The following ZHX3 variants were observed in gnomAD, a reference collection of about 807,000 sequenced individuals.
ZHX3 encodes the protein zinc fingers and homeoboxes 3, also known as zinc fingers and homeoboxes protein 3.
Under a neutral mutation model 64.5 loss-of-function variants are expected in ZHX3, and 20 were observed. That is an observed-to-expected ratio of 0.31 (90% CI 0.22 to 0.45). The LOEUF is 0.45. ZHX3 is among the 20% of genes least tolerant of loss of function. The pLI is 1.00. For synonymous variants in ZHX3, 423 were observed against 461.6 expected (o/e 0.92, Z 1.07); for missense variants, 1,041 against 1,195.8 (o/e 0.87, Z 1.91).
At chr20:41,313,004 G>A (rs766121909) in intron 1 of ZHX3, among the ~76,000 whole-genome samples, 1 of 152,166 alleles carries the variant, frequency 6.6e-6, no homozygotes, top group Non-Finnish European at 1.5e-5. Flanking sequence ...AGGTGGGTAG[G>A]TGAATTAGGA....
intron 3 of ZHX3, chr20:41,196,567 A>ATATATTATATAT (rs2037709753): frequency 7.7e-5 from 6 of 77,938 alleles, no homozygotes; most frequent in East Asian, 3.1e-4. Context: ...TATATATAAT[A>ATATATTATATAT]TATATAAAAA....
chr20:41,252,004 A>C (rs912329379), intron 2 of ZHX3, among the ~76,000 whole-genome samples: 1 of 152,192 alleles, frequency 6.6e-6, no homozygotes, highest in African/African-American at 2.4e-5. Flanking sequence ...TTTATAACTT[A>C]AAAAATGTTG....
chr20:41,223,192 T>C (rs191309329), intron 2 of ZHX3, among the ~76,000 whole-genome samples: 7 of 152,286 alleles, frequency 4.6e-5, no homozygotes, highest in Non-Finnish European at 8.8e-5. Context: ...TTTGCAGAAA[T>C]AGGCACTCTC....
chr20:41,312,204 A>C (rs2045159500), intron 1 of ZHX3, among the ~76,000 whole-genome samples: 1 of 152,138 alleles, frequency 6.6e-6, no homozygotes, highest in African/African-American at 2.4e-5. Context: ...AGCTAGCTAG[A>C]GGTTTGTAAA....
intron 2 of ZHX3, among the ~76,000 whole-genome samples, chr20:41,206,587 G>A (rs1318693665): frequency 6.6e-6 from 1 of 152,096 alleles, no homozygotes; most frequent in Non-Finnish European, 1.5e-5. Context: ...AATGAAGCGA[G>A]AAGTTTAGAG....
intron 2 of ZHX3, among the ~76,000 whole-genome samples, chr20:41,225,884 G>A (rs2040235424): frequency 6.6e-6 from 1 of 152,190 alleles, no homozygotes; most frequent in Admixed American, 6.5e-5. Flanking sequence ...TGCAAAAGAT[G>A]CAAATACTAT....
chr20:41,188,350 GTA>G (rs2036699940), intron 3 of ZHX3: 1 of 150,048 alleles, frequency 6.7e-6, no homozygotes, highest in Admixed American at 6.6e-5. Context: ...TTGGCCATGT[GTA>G]TGTCTTCTTT....
chr20:41,299,679 C>T (rs758020642), intron 1 of ZHX3, among the ~76,000 whole-genome samples: 17 of 151,902 alleles, frequency 1.1e-4, no homozygotes, highest in South Asian at 2.1e-4. Flanking sequence ...TTTGCCAACA[C>T]GGCGAAACCC....
intron 2 of ZHX3, among the ~76,000 whole-genome samples, chr20:41,218,900 GT>G (rs1316103001): frequency 4.5e-5 from 6 of 132,268 alleles, no homozygotes; most frequent in Non-Finnish European, 9.9e-5. Flanking sequence ...CTCTCTACTT[GT>G]TTTTCCCCCT....
chr20:41,203,409 T>A lies in ZHX3; in HGVS notation c.1508A>T (p.His503Leu), dbSNP rs749184194. 1.4e-5 allele frequency: 23 copies of A among 1,612,532 alleles called. No homozygotes were observed. Among genetic ancestry groups the A allele is most frequent in the Non-Finnish European group, 1.4e-5 (16 of 1,178,652 alleles). ...DASIYKNKKS[H>L]EQLSALKGSF... ...CCCTTTCAGAGCTGACAGCTGTTCA[T>A]GAGATTTCTTATTTTTGTAGATGCT... Residue 503 changes from histidine (H) to leucine (L), a missense_variant, in exon 3 of 4, where the codon CAT (histidine) becomes CTT (leucine). By Grantham distance (99) the His-to-Leu change is moderately conservative. Around this residue, in one of 4 missense-constraint regions of ZHX3, gnomAD observed 649 missense variants for 739.8 expected, o/e 0.88. Transcript: ENST00000683867. This position sits in a 1 kb window ranked among gnomAD's most constrained non-coding sequence, Gnocchi z 7.1.
rs554930941 is a variant in ZHX3 at position 41,200,565 on chromosome 20, TTTG to T, written c.2860+1489_2860+1491del. Among the ~76,000 whole-genome samples the T allele has an allele frequency of 2.8e-3, 425 of 152,200 alleles. 3 individuals carry two copies. The highest frequency in any genetic ancestry group is 0.016 in the South Asian group (75 of 4,814). ...TGTGGGCCCCAAAGGAGGGGAGTGT[TTTG>T]TTGTTGCCGTATTGAAAACATGGCT... On this transcript the variant is annotated intron_variant, in intron 3 of 3. Coordinates refer to ENST00000683867, the MANE Select transcript of ZHX3 (RefSeq NM_001384317.1). This position sits in a 1 kb window ranked among gnomAD's most constrained non-coding sequence, Gnocchi z 4.2.
chr20:41,302,819 G>A (rs1349263552), intron 1 of ZHX3, among the ~76,000 whole-genome samples: 1 of 152,190 alleles, frequency 6.6e-6, no homozygotes, highest in Non-Finnish European at 1.5e-5. Context: ...ACAGGTGACT[G>A]GATTTTAAAT....
Position 41,184,993 on chromosome 20 carries a change from G to C in ZHX3, c.*198C>G. Reference sequence around the variant, plus strand: ...GAAGAACTGATGAGAACCCCATCTTGCTTGCTGCTTGCTTGGTGGTGGGCA... The same window carrying C: ...GAAGAACTGATGAGAACCCCATCTTCCTTGCTGCTTGCTTGGTGGTGGGCA... On this transcript the variant is annotated 3_prime_UTR_variant, in exon 4 of 4. Transcript: ENST00000683867. 1 of 1,550,646 alleles carries C rather than the reference G, an allele frequency of 6.4e-7. No individual in the cohort carries two copies. The highest frequency in any genetic ancestry group is 1.4e-5 in the African/African-American group (1 of 73,172).
intron 1 of ZHX3, among the ~76,000 whole-genome samples, chr20:41,274,331 A>T (rs1290575752): frequency 1.3e-5 from 2 of 152,236 alleles, no homozygotes; most frequent in Non-Finnish European, 2.9e-5. Flanking sequence ...TTCGCAGAAC[A>T]GTATCAGGAA....
intron 1 of ZHX3, among the ~76,000 whole-genome samples, chr20:41,316,046 AAAC>A (rs1015736600): frequency 7.2e-5 from 11 of 151,876 alleles, no homozygotes; most frequent in African/African-American, 2.4e-5. Context: ...CCAAAAACCA[AAAC>A]AACATGGGGA....
intron 2 of ZHX3, among the ~76,000 whole-genome samples, chr20:41,265,527 A>G (rs1490686620): frequency 6.6e-6 from 1 of 152,142 alleles, no homozygotes; most frequent in Non-Finnish European, 1.5e-5. Context: ...AAGTGACCAC[A>G]GTCATGATCA....
intron 2 of ZHX3, among the ~76,000 whole-genome samples, chr20:41,233,632 G>A (rs1405527822): frequency 2.0e-5 from 3 of 152,336 alleles, no homozygotes; most frequent in Admixed American, 1.3e-4. Context: ...ATAGATACGG[G>A]TGTAAATAGA....
intron 1 of ZHX3, among the ~76,000 whole-genome samples, chr20:41,314,587 T>G (rs1600684565): frequency 6.6e-6 from 1 of 152,346 alleles, no homozygotes; most frequent in Non-Finnish European, 1.5e-5. Flanking sequence ...ATATCCAGTG[T>G]GACACAGGGA....
chr20:41,241,785 A>C (rs559947620), intron 2 of ZHX3, among the ~76,000 whole-genome samples: 1 of 152,298 alleles, frequency 6.6e-6, no homozygotes, highest in East Asian at 1.9e-4. Context: ...TCTGTGAAGA[A>C]TGTCATTCAT....
Sources: allele counts gnomAD v4.1 joint callset (sites outside exome capture counted in the v4.1 genomes callset), GRCh38; gene constraint gnomAD v4.1.1; regional missense constraint gnomAD v4.1.1; non-coding constraint Gnocchi (gnomAD v3.1); transcripts MANE v1.5; gene names NCBI Gene and HGNC (gene_info 2026-07-23, HGNC 2026-07-21).